Variants in PSMD6 observed in about 807,000 individuals in gnomAD.
The protein encoded by PSMD6 is 26S proteasome non-ATPase regulatory subunit 6.
PSMD6 carries 7 observed loss-of-function variants against 44.9 expected under a neutral mutation model. That is an observed-to-expected ratio of 0.16 (90% CI 0.09 to 0.29). The LOEUF is 0.29. PSMD6 is among the 10% of genes least tolerant of loss of function. The pLI is 1.00. For synonymous variants in PSMD6, 184 were observed against 172.7 expected (o/e 1.07, Z -0.51); for missense variants, 420 against 482.6 (o/e 0.87, Z 1.21).
chr3:64,017,060 GTATTT>G (rs1040919170), intron 5 of PSMD6: 1 of 152,208 alleles, frequency 6.6e-6, no homozygotes, highest in African/African-American at 2.4e-5. Context: ...AAAAAGCCAC[GTATTT>G]TATGACTGCA....
intron 5 of PSMD6, chr3:64,017,585 G>C (rs2076065367): frequency 6.6e-6 from 1 of 152,188 alleles, no homozygotes; most frequent in South Asian, 2.1e-4. Flanking sequence ...CAACATAACT[G>C]TGTGTGTATG....
intron 6 of PSMD6, 67 bp from the exon 7 acceptor site, chr3:64,011,022 T>G (rs2075932647): frequency 2.4e-6 from 3 of 1,265,844 alleles, no homozygotes; most frequent in Admixed American, 4.3e-5. Context: ...GCAAACGGCA[T>G]TAAAATACTG....
At chr3:64,019,214 CA>C in intron 3 of PSMD6, 81 bp downstream of exon 3, 1 of 1,485,052 alleles carries the variant, frequency 6.7e-7, no homozygotes, top group Non-Finnish European at 9.3e-7. Context: ...TAGCTGTAAA[CA>C]AAACAGGCAG....
At chr3:64,012,255 T>C (rs547627622) in intron 6 of PSMD6, 1 of 152,294 alleles carries the variant, frequency 6.6e-6, no homozygotes, top group African/African-American at 2.4e-5. Context: ...AAATGCATCT[T>C]CATTTAAAGT....
rs1486214311 is a variant in PSMD6 at position 64,023,439 on chromosome 3, G to C, written c.-20C>G. The C allele has an allele frequency of 6.3e-7, 1 of 1,584,342 alleles. No homozygotes were observed. Among genetic ancestry groups the C allele is most frequent in the Non-Finnish European group, 8.6e-7 (1 of 1,161,120 alleles). ...CGGCATCGCGGCGAAGGGGACAGCG[G>C]CTGACAGGACACAACTTGGTTACGA... On this transcript the variant is annotated 5_prime_UTR_variant, in exon 1 of 8. Transcript: ENST00000295901.
rs372288372 is a variant in PSMD6, at chr3:64,010,695, T to C, written c.1143A>G (p.Gln381=). ...ACATATTAATTACTCTGGAAAGTTT[T>C]TGAACTCTGTTTAGTAGCAGATCTC... The part of the protein sequence containing the change: ...KKGDLLLNRV[Q]KLSRVINM The change falls in exon 8 of 8, where the codon CAA becomes CAG. Residue 381 remains glutamine (Q), a synonymous_variant. Coordinates refer to ENST00000295901, the MANE Select transcript of PSMD6 (RefSeq NM_014814.3). The C allele has an allele frequency of 5.7e-5, 91 of 1,607,286 alleles. No homozygotes were observed. In the Middle Eastern group the frequency reaches 8.3e-4, roughly 15 times the overall value.
chr3:64,023,187 A>G (rs531622729), intron 1 of PSMD6, 88 bp downstream of exon 1: 3 of 1,461,080 alleles, frequency 2.1e-6, no homozygotes, highest in African/African-American at 1.4e-5. Flanking sequence ...AGGGGTCTGG[A>G]GCTCCATCAA....
chr3:64,020,913 T>C (rs2076118283), intron 2 of PSMD6, among the ~76,000 whole-genome samples: 1 of 152,166 alleles, frequency 6.6e-6, no homozygotes, highest in Admixed American at 6.5e-5. Context: ...GCAAATAATT[T>C]AAAATTAAAA....
intron 5 of PSMD6, chr3:64,014,251 T>C (rs1255568064): frequency 6.6e-6 from 1 of 152,082 alleles, no homozygotes; most frequent in Admixed American, 6.5e-5. Context: ...TCCACACAAA[T>C]ATAAATTATT....
chr3:64,019,711 TCAC>T (rs1268343072), intron 2 of PSMD6: 2 of 366,288 alleles, frequency 5.5e-6, no homozygotes, highest in Non-Finnish European at 9.6e-6. Context: ...AAAAATATAT[TCAC>T]AATTGTTAAG....
chr3:64,023,415 G>A lies in PSMD6; in HGVS notation c.5C>T (p.Pro2Leu), dbSNP rs1266933780. M[P>L]LENLEEEGLP... The stretch of plus-strand genomic sequence containing the variant: ...ACCCTCCTCCTCCAGGTTCTCCAGC[G>A]GCATCGCGGCGAAGGGGACAGCGGC... Residue 2 changes from proline to leucine, a missense_variant, in exon 1 of 8, where the codon CCG (proline) becomes CTG (leucine). This residue lies in a region of PSMD6 where 136 missense variants were observed against 124.2 expected (regional missense o/e 1.09). Transcript: ENST00000295901. The A allele has an allele frequency of 1.3e-6, 2 of 1,599,056 alleles. No individual in the cohort carries two copies. Among genetic ancestry groups the A allele is most frequent in the Non-Finnish European group, 1.7e-6 (2 of 1,170,404 alleles).
chr3:64,023,240 C>CT, intron 1 of PSMD6, 35 bp downstream of exon 1: 1 of 1,541,884 alleles, frequency 6.5e-7, no homozygotes, highest in African/African-American at 1.4e-5. Flanking sequence ...CGGCCCAGGC[C>CT]TAGGCCGCTG....
intron 5 of PSMD6, chr3:64,014,306 G>T (rs1214174897): frequency 6.6e-6 from 1 of 152,064 alleles, no homozygotes; most frequent in Non-Finnish European, 1.5e-5. Context: ...TAGTTATATG[G>T]CAGTGAACCA....
chr3:64,023,927 C>A (rs2076176356), upstream of PSMD6: 1 of 1,104,876 alleles, frequency 9.1e-7, no homozygotes, highest in Non-Finnish European at 1.3e-6. Context: ...GGGAAACAGA[C>A]CAACCAAGGT....
chr3:64,010,602 G>T lies in PSMD6; in HGVS notation c.*66C>A. 8.4e-7 allele frequency: 1 copy of T among 1,184,434 alleles called. No individual in the cohort carries two copies. Among genetic ancestry groups the T allele is most frequent in the Non-Finnish European group, 1.2e-6 (1 of 827,834 alleles). The allele number at this position is 1,184,434 out of a possible 1,614,324, so 73.4% of individuals were successfully genotyped here. ...TTTATACAGCTGACCTGGGCACATTGTGAAGTAAGCTATAAAAATTCCAAA... is the reference window on the plus strand; with the variant it reads ...TTTATACAGCTGACCTGGGCACATTTTGAAGTAAGCTATAAAAATTCCAAA... On this transcript the variant is annotated 3_prime_UTR_variant, in exon 8 of 8. Transcript: ENST00000295901.
rs1258267759 is a variant in PSMD6, at chr3:64,022,542, G to A, written c.146-19C>T. 2 of 1,612,458 alleles carry A rather than the reference G, an allele frequency of 1.2e-6. No homozygotes were observed. Among genetic ancestry groups the A allele is most frequent in the Admixed American group, 1.7e-5 (1 of 60,006 alleles). On this transcript the variant is annotated intron_variant, in intron 1 of 7. Transcript: ENST00000295901. ...GCCATGTCTAACATGCAAAAAGAGGGATGTGTGAGTGGGGACACTTGTGCC... is the reference window on the plus strand; with the variant it reads ...GCCATGTCTAACATGCAAAAAGAGGAATGTGTGAGTGGGGACACTTGTGCC...
chr3:64,018,626 G>T lies in PSMD6; in HGVS notation c.799C>A (p.Arg267Ser). 1 of 1,583,716 alleles carries T rather than the reference G, an allele frequency of 6.3e-7. No individual in the cohort carries two copies. Reference sequence around the variant, plus strand: ...AATGATTGGAAGAAAACAGAGTAACGGCATTCATAGAGTGAAAACAGATAC... The same window carrying T: ...AATGATTGGAAGAAAACAGAGTAACTGCATTCATAGAGTGAAAACAGATAC... ...RQYLFSLYEC[R>S]YSVFFQSLAV... The change falls in exon 5 of 8, where the codon CGT (arginine) becomes AGT (serine). Residue 267 changes from arginine (R) to serine (S), a missense_variant. Arg to Ser is a moderately radical substitution (Grantham distance 110). Around this residue, in one of 4 missense-constraint regions of PSMD6, gnomAD observed 216 missense variants for 227.0 expected, o/e 0.95. Transcript: ENST00000295901.
intron 1 of PSMD6, 47 bp downstream of exon 1, chr3:64,023,228 G>A: frequency 6.7e-7 from 1 of 1,499,000 alleles, no homozygotes; most frequent in Non-Finnish European, 8.9e-7. Context: ...GGAACGCGGG[G>A]ACGGCCCAGG....
chr3:64,018,458 C>T (rs755667573), intron 5 of PSMD6, 141 bp downstream of exon 5: 8 of 613,258 alleles, frequency 1.3e-5, no homozygotes, highest in South Asian at 2.3e-5. Context: ...AAACTGGGCA[C>T]ATTAGGAATA....
Sources: gnomAD v4.1 joint callset for allele counts (sites outside exome capture counted in the v4.1 genomes callset) on GRCh38, gnomAD v4.1.1 for gene constraint, gnomAD v4.1.1 regional missense constraint, MANE v1.5 for transcripts, NCBI Gene and HGNC (gene_info 2026-07-23, HGNC 2026-07-21) for gene names.